The following DGKB variants were observed in gnomAD, a reference collection of about 807,000 sequenced individuals.
DGKB encodes the protein diacylglycerol kinase beta.
Under a neutral mutation model 114.3 loss-of-function variants are expected in DGKB, and 67 were observed. The observed-to-expected ratio is 0.59, with a 90% CI of 0.48 to 0.72. DGKB has a LOEUF of 0.72. DGKB is among the 30% of genes least tolerant of loss of function. The pLI, the probability that DGKB is intolerant of heterozygous loss-of-function variation, is 0.00. For missense variants in DGKB, 907 were observed against 975.2 expected, an observed-to-expected ratio of 0.93 and a Z score of 0.93; for synonymous variants, 398 against 323.1, an observed-to-expected ratio of 1.23 and a Z score of -2.49.
intron 2 of DGKB, among the ~76,000 whole-genome samples, chr7:14,816,121 A>T (rs527793046): frequency 6.6e-6 from 1 of 152,290 alleles, no homozygotes; most frequent in African/African-American, 2.4e-5. Flanking sequence ...ACTTGAGGTC[A>T]GGAGGGCGAG....
intron 23 of DGKB, among the ~76,000 whole-genome samples, chr7:14,290,419 A>T (rs564860484): frequency 5.9e-5 from 9 of 152,216 alleles, no homozygotes; most frequent in African/African-American, 2.2e-4. Flanking sequence ...ACAAAAAGCT[A>T]GGTTATCCTG....
At chr7:14,934,225 C>A (rs557302962) in intron 1 of DGKB, among the ~76,000 whole-genome samples, 27 of 152,198 alleles carry the variant, frequency 1.8e-4, no homozygotes, top group African/African-American at 6.3e-4. Flanking sequence ...ATTATGTTTC[C>A]CTCTTGACTT....
intron 23 of DGKB, among the ~76,000 whole-genome samples, chr7:14,203,748 C>A (rs1055461712): frequency 1.3e-5 from 2 of 151,902 alleles, no homozygotes; most frequent in African/African-American, 2.4e-5. Flanking sequence ...AGAGTTTGTT[C>A]AGATAGGATA....
At chr7:14,600,771 T>G (rs538510372) in intron 17 of DGKB, among the ~76,000 whole-genome samples, 1 of 152,360 alleles carries the variant, frequency 6.6e-6, no homozygotes, top group South Asian at 2.1e-4. Flanking sequence ...TTTGACGATG[T>G]GTCCTGCCTT....
At chr7:14,172,887 T>A (rs1473532880) in intron 25 of DGKB, among the ~76,000 whole-genome samples, 1 of 152,134 alleles carries the variant, frequency 6.6e-6, no homozygotes, top group Non-Finnish European at 1.5e-5. Context: ...TTCTTCCCAT[T>A]ATAAGAACAT....
intron 2 of DGKB, among the ~76,000 whole-genome samples, chr7:14,835,222 A>G (rs1678461275): frequency 6.6e-6 from 1 of 152,212 alleles, no homozygotes; most frequent in Admixed American, 6.5e-5. Context: ...CATTTCTGGT[A>G]AGTCAAAACA....
intron 1 of DGKB, among the ~76,000 whole-genome samples, chr7:14,970,627 T>C (rs1787409175): frequency 6.6e-6 from 1 of 152,044 alleles, no homozygotes; most frequent in Non-Finnish European, 1.5e-5. Flanking sequence ...GTGTCATCAA[T>C]CACAAAGTGA....
chr7:14,662,050 C>T (rs904680274), intron 13 of DGKB, among the ~76,000 whole-genome samples: 9 of 151,544 alleles, frequency 5.9e-5, no homozygotes, highest in African/African-American at 9.7e-5. Flanking sequence ...CTCTGGGGCC[C>T]GTTGTGGGGT....
At chr7:14,201,554 T>C (rs989880057) in intron 23 of DGKB, among the ~76,000 whole-genome samples, 1 of 151,852 alleles carries the variant, frequency 6.6e-6, no homozygotes, top group African/African-American at 2.4e-5. Context: ...TCGGAAGGCA[T>C]TGCAGTGGCC....
chr7:14,558,235 A>G (rs1316669229), intron 20 of DGKB, among the ~76,000 whole-genome samples: 1 of 151,544 alleles, frequency 6.6e-6, no homozygotes, highest in African/African-American at 2.4e-5. Flanking sequence ...CATTGTTAGT[A>G]ATGAATTTTC....
intron 1 of DGKB, among the ~76,000 whole-genome samples, chr7:14,971,199 T>C (rs17168564): frequency 0.15 from 22,967 of 152,092 alleles, 1,839 homozygotes; most frequent in South Asian, 0.21. Context: ...TTCTGACAGA[T>C]GGTGATAGCA....
chr7:14,262,058 T>G (rs1429713739), intron 23 of DGKB, among the ~76,000 whole-genome samples: 1 of 152,228 alleles, frequency 6.6e-6, no homozygotes, highest in East Asian at 1.9e-4. Context: ...GTATTTATCC[T>G]ATCTTGTCTT....
chr7:14,815,879 G>A (rs754474105), intron 2 of DGKB, among the ~76,000 whole-genome samples: 4 of 152,178 alleles, frequency 2.6e-5, no homozygotes, highest in Admixed American at 6.5e-5. Flanking sequence ...GATCTGTTGG[G>A]TACCAGGGGA....
chr7:14,857,009 ACATGAATGGGATGT>A (rs1850248549), intron 1 of DGKB, among the ~76,000 whole-genome samples: 1 of 152,174 alleles, frequency 6.6e-6, no homozygotes, highest in South Asian at 2.1e-4. Flanking sequence ...GAACATGGCA[ACATGAATGGGATGT>A]CATTCCCTAC....
intron 23 of DGKB, among the ~76,000 whole-genome samples, chr7:14,186,358 C>A (rs1166604111): frequency 1.3e-5 from 2 of 151,976 alleles, no homozygotes; most frequent in African/African-American, 2.4e-5. Context: ...AAAAAATAAT[C>A]AAAAAACAGT....
At chr7:14,492,343 G>T (rs1784712376) in intron 20 of DGKB, among the ~76,000 whole-genome samples, 1 of 151,868 alleles carries the variant, frequency 6.6e-6, no homozygotes, top group African/African-American at 2.4e-5. Context: ...TAGGGTGGGG[G>T]GTGATGGCTG....
intron 20 of DGKB, among the ~76,000 whole-genome samples, chr7:14,544,986 G>A (rs936338415): frequency 9.7e-5 from 14 of 144,418 alleles, no homozygotes; most frequent in Admixed American, 1.4e-4. Flanking sequence ...ATGCCAAAAT[G>A]TTTTTTTTTT....
intron 21 of DGKB, among the ~76,000 whole-genome samples, chr7:14,470,035 C>T (rs1374748435): frequency 6.6e-6 from 1 of 151,746 alleles, no homozygotes; most frequent in African/African-American, 2.4e-5. Flanking sequence ...CTTACACACA[C>T]AAATTTCAAA....
At chr7:14,711,386 A>G (rs1827328504) in intron 6 of DGKB, among the ~76,000 whole-genome samples, 1 of 152,102 alleles carries the variant, frequency 6.6e-6, no homozygotes, top group Non-Finnish European at 1.5e-5. Flanking sequence ...AGAAAGAGAA[A>G]TTCAAGGACT....
Sources: allele counts gnomAD v4.1 joint callset (sites outside exome capture counted in the v4.1 genomes callset), GRCh38; gene constraint gnomAD v4.1.1; transcripts MANE v1.5; gene names NCBI Gene and HGNC (gene_info 2026-07-23, HGNC 2026-07-21).